The following TMEM233 variants were observed in gnomAD, a reference collection of about 807,000 sequenced individuals.
TMEM233 encodes the protein transmembrane protein 233.
A neutral mutation model predicts 11.2 loss-of-function variants in TMEM233; 6 were observed. That is an observed-to-expected ratio of 0.54 (90% CI 0.29 to 1.06). The LOEUF (loss-of-function observed/expected upper bound fraction) is 1.06, where lower values mean the gene tolerates loss of function less well. Among genes scored for constraint, TMEM233 ranks in the 50% least tolerant of loss-of-function variants. The pLI is 0.08. For synonymous variants in TMEM233, 59 were observed against 55.8 expected (o/e 1.06, Z -0.26); for missense variants, 127 against 144.7 (o/e 0.88, Z 0.63).
At chr12:119,634,838 T>C (rs1954943113) in intron 2 of TMEM233, among the ~76,000 whole-genome samples, 2 of 152,168 alleles carry the variant, frequency 1.3e-5, no homozygotes, top group African/African-American at 4.8e-5. Flanking sequence ...CATAAAAAGC[T>C]CTCATTCGTC....
Position 119,607,196 on chromosome 12 carries a change from CA to C in TMEM233, c.186+13163del, listed in dbSNP as rs1172999530. Reference sequence around the variant, plus strand: ...GTATAAAGAGTTATAATATGTAGAGCACAAACTCTATCATCAGACCCACCAG... The same window carrying C: ...GTATAAAGAGTTATAATATGTAGAGCCAAACTCTATCATCAGACCCACCAG... On this transcript the variant is annotated intron_variant, in intron 1 of 2. Transcript: ENST00000426426. 2.6e-5 allele frequency among the ~76,000 whole-genome samples: 4 copies of C among 152,262 alleles called. No homozygotes were observed. The South Asian group carries it at 8.3e-4, about 32-fold the overall frequency.
intron 1 of TMEM233, among the ~76,000 whole-genome samples, chr12:119,609,707 G>C (rs1954355775): frequency 6.6e-6 from 1 of 152,236 alleles, no homozygotes; most frequent in African/African-American, 2.4e-5. Flanking sequence ...CCCACATCGT[G>C]CTGGGTCTGA....
chr12:119,632,446 C>A (rs1424107453), intron 2 of TMEM233, among the ~76,000 whole-genome samples: 2 of 152,166 alleles, frequency 1.3e-5, no homozygotes, highest in African/African-American at 4.8e-5. Context: ...GTAAGTGGTA[C>A]TTGCTTTGTG....
chr12:119,613,549 C>T (rs1954455729), intron 1 of TMEM233, among the ~76,000 whole-genome samples: 1 of 152,206 alleles, frequency 6.6e-6, no homozygotes, highest in African/African-American at 2.4e-5. Context: ...TACAGTGGCT[C>T]ATGCCTGTAA....
chr12:119,629,658 A>G, intron 1 of TMEM233, 78 bp from the exon 2 acceptor site: 2 of 1,425,282 alleles, frequency 1.4e-6, no homozygotes, highest in Non-Finnish European at 1.9e-6. Context: ...GAACCTTTTC[A>G]TCAGGACAGC....
chr12:119,610,769 T>C (rs2051704291), intron 1 of TMEM233, among the ~76,000 whole-genome samples: 1 of 152,178 alleles, frequency 6.6e-6, no homozygotes, highest in South Asian at 2.1e-4. Flanking sequence ...TTCTTATAAA[T>C]TAACCCGTCT....
chr12:119,594,296 C>A lies in TMEM233; in HGVS notation c.186+262C>A. 2.2e-6 allele frequency: 1 copy of A among 452,196 alleles called. No homozygotes were observed. The highest frequency in any genetic ancestry group is 3.9e-6 in the Non-Finnish European group (1 of 254,246). 28.0% of individuals were successfully genotyped at this position (452,196 alleles called of 1,614,324 possible). On this transcript the variant is annotated intron_variant, in intron 1 of 2. Coordinates refer to ENST00000426426, the MANE Select transcript of TMEM233 (RefSeq NM_001136534.3). This position sits in a 1 kb window ranked among gnomAD's most constrained non-coding sequence, Gnocchi z 5.6. The stretch of plus-strand genomic sequence containing the variant: ...AGGCTAGCTTTCCTCTTCTTTCCAG[C>A]TCCCAGGGTGCGTTTCCTCTCCAAC...
chr12:119,623,590 T>C (rs1307409274), intron 1 of TMEM233, among the ~76,000 whole-genome samples: 1 of 149,910 alleles, frequency 6.7e-6, no homozygotes, highest in Non-Finnish European at 1.5e-5. Flanking sequence ...TGTGGTGGTA[T>C]GCACCTGTAG....
chr12:119,634,169 C>T, intron 2 of TMEM233: 6 of 811,932 alleles, frequency 7.4e-6, no homozygotes, highest in Non-Finnish European at 8.9e-6. Context: ...AATGAAGTTG[C>T]CACCTAGCAG....
chr12:119,644,698 C>G (rs1223923205), downstream of TMEM233, among the ~76,000 whole-genome samples: 1 of 151,708 alleles, frequency 6.6e-6, no homozygotes, highest in Non-Finnish European at 1.5e-5. Flanking sequence ...AGGCTGGTCT[C>G]GAACTCCTGA....
At chr12:119,653,183 G>A in the TMEM233 span, among the ~76,000 whole-genome samples, 4 of 151,944 alleles carry the variant, frequency 2.6e-5, no homozygotes, top group African/African-American at 9.7e-5. Flanking sequence ...CACGAGGTCA[G>A]GAGATGGAGA....
downstream of TMEM233, among the ~76,000 whole-genome samples, chr12:119,645,062 G>T (rs1390880330): frequency 1.3e-5 from 2 of 152,154 alleles, no homozygotes; most frequent in Admixed American, 1.3e-4. Context: ...AAGGAAGACA[G>T]TCCCTGTCCT....
downstream of TMEM233, among the ~76,000 whole-genome samples, chr12:119,643,785 G>A (rs932635035): frequency 1.1e-4 from 17 of 151,404 alleles, no homozygotes; most frequent in African/African-American, 3.9e-4. Flanking sequence ...AAAAAAAGGT[G>A]TATTATCAAC....
intron 1 of TMEM233, among the ~76,000 whole-genome samples, chr12:119,600,999 A>C (rs2136676850): frequency 6.6e-6 from 1 of 152,332 alleles, no homozygotes; most frequent in Admixed American, 6.5e-5. Flanking sequence ...TTCTCCAAAA[A>C]AGATAAAAAT....
At chr12:119,623,553 C>CAAAAAA (rs57936432) in intron 1 of TMEM233, among the ~76,000 whole-genome samples, 21 of 135,734 alleles carry the variant, frequency 1.5e-4, no homozygotes, top group African/African-American at 5.6e-4. Context: ...ACCAAAAATA[C>CAAAAAA]AAAAAAAAAA....
At chr12:119,651,981 C>T in the TMEM233 span, among the ~76,000 whole-genome samples, 1 of 151,922 alleles carries the variant, frequency 6.6e-6, no homozygotes, top group African/African-American at 2.4e-5. Context: ...TCAACAAAAG[C>T]ATAGGAAACC....
downstream of TMEM233, among the ~76,000 whole-genome samples, chr12:119,643,915 C>T (rs374111472): frequency 5.3e-5 from 8 of 152,256 alleles, no homozygotes; most frequent in East Asian, 9.7e-4. Context: ...GATCCTGGTG[C>T]GCAGGGTTTT....
At position 119,594,114 on chromosome 12, in the gene TMEM233, C is replaced by A; in HGVS notation, c.186+80C>A. On this transcript the variant is annotated intron_variant, in intron 1 of 2. Coordinates refer to ENST00000426426, the MANE Select transcript of TMEM233 (RefSeq NM_001136534.3). The surrounding 1 kb of genome is among the most constrained non-coding windows in gnomAD (Gnocchi z 5.6). ...GCCCCTGCAGGGGAGTCCGCGCGCT[C>A]TCTGCGGCTCCCTTCCTCACGGCCC... The A allele has an allele frequency of 2.1e-6, 3 of 1,411,204 alleles. No individual in the cohort carries two copies. Among genetic ancestry groups the A allele is most frequent in the Non-Finnish European group, 1.9e-6 (2 of 1,041,274 alleles). The allele number at this position is 1,411,204 out of a possible 1,614,324, so 87.4% of individuals were successfully genotyped here.
At chr12:119,626,446 G>A (rs1299550572) in intron 1 of TMEM233, among the ~76,000 whole-genome samples, 2 of 135,080 alleles carry the variant, frequency 1.5e-5, no homozygotes, top group Non-Finnish European at 3.1e-5. Flanking sequence ...CTCCAGCCTG[G>A]GAAACAAAGC....
Sources: gnomAD v4.1 joint callset for allele counts (sites outside exome capture counted in the v4.1 genomes callset) on GRCh38, gnomAD v4.1.1 for gene constraint, Gnocchi (gnomAD v3.1) non-coding constraint, MANE v1.5 for transcripts, NCBI Gene and HGNC (gene_info 2026-07-23, HGNC 2026-07-21) for gene names.